The following RORA variants were observed in gnomAD, a reference collection of about 807,000 sequenced individuals.
RORA encodes RAR related orphan receptor A.
In RORA, 7 loss-of-function variants were observed where a neutral mutation model predicts 69.5. That is an observed-to-expected ratio of 0.10 (90% CI 0.06 to 0.19). The LOEUF is 0.19. Ranked by LOEUF, RORA falls within the 10% of genes least tolerant of loss-of-function variation. RORA has a pLI of 1.00. For synonymous variants in RORA, 261 were observed against 240.8 expected (o/e 1.08, Z -0.78); for missense variants, 457 against 663.0 (o/e 0.69, Z 3.41).
chr15:60,616,271 T>C (rs531180594), intron 2 of RORA, among the ~76,000 whole-genome samples: 77 of 152,014 alleles, frequency 5.1e-4, no homozygotes, highest in African/African-American at 1.7e-3. Context: ...CCCATAAGGG[T>C]GTGTGTGCTC....
At chr15:60,935,977 A>T (rs148646819) in intron 1 of RORA, among the ~76,000 whole-genome samples, 1 of 152,346 alleles carries the variant, frequency 6.6e-6, no homozygotes, top group East Asian at 1.9e-4. Flanking sequence ...GCAAACTGAG[A>T]CTGACATTGT....
At chr15:60,597,551 C>CAT (rs1203238304) in intron 2 of RORA, among the ~76,000 whole-genome samples, 1,148 of 24,876 alleles carry the variant, frequency 0.046, 73 homozygotes, top group African/African-American at 0.091. Context: ...ACACACACAA[C>CAT]ATATATATAT....
At chr15:61,225,721 C>A (rs1354563898) in intron 1 of RORA, among the ~76,000 whole-genome samples, 1 of 152,130 alleles carries the variant, frequency 6.6e-6, no homozygotes, top group African/African-American at 2.4e-5. Context: ...AAGCTTCTGG[C>A]AAGCACATAT....
chr15:60,829,018 G>A (rs12440095), intron 1 of RORA, among the ~76,000 whole-genome samples: 20,130 of 152,162 alleles, frequency 0.13, 1,619 homozygotes, highest in East Asian at 0.31. Context: ...TTCAGAAGAA[G>A]TTTTGCACAC....
chr15:60,616,262 C>T (rs1419032321), intron 2 of RORA, among the ~76,000 whole-genome samples: 1 of 151,950 alleles, frequency 6.6e-6, no homozygotes, highest in Non-Finnish European at 1.5e-5. Flanking sequence ...TGATCAAATC[C>T]CATAAGGGTG....
intron 1 of RORA, among the ~76,000 whole-genome samples, chr15:61,018,106 T>C (rs2140408698): frequency 6.6e-6 from 1 of 152,358 alleles, no homozygotes; most frequent in Non-Finnish European, 1.5e-5. Context: ...AATGCTCCTA[T>C]GTGATACTTT....
At chr15:60,568,229 C>A (rs1312143166) in intron 2 of RORA, among the ~76,000 whole-genome samples, 1 of 152,164 alleles carries the variant, frequency 6.6e-6, no homozygotes, top group Non-Finnish European at 1.5e-5. Context: ...GCTGTTACCT[C>A]TGCCCCTGTG....
chr15:61,059,873 A>G (rs2078147962), intron 1 of RORA, among the ~76,000 whole-genome samples: 1 of 151,636 alleles, frequency 6.6e-6, no homozygotes, highest in African/African-American at 2.4e-5. Context: ...AAAGGATGGA[A>G]AAAATGTAAA....
At chr15:61,132,166 G>C (rs1205133582) in intron 1 of RORA, among the ~76,000 whole-genome samples, 1 of 152,084 alleles carries the variant, frequency 6.6e-6, no homozygotes, top group Non-Finnish European at 1.5e-5. Flanking sequence ...TGTAATCTAG[G>C]GGTTTACAGA....
chr15:60,798,132 GA>G (rs200046466), intron 1 of RORA, among the ~76,000 whole-genome samples: 36 of 146,314 alleles, frequency 2.5e-4, no homozygotes, highest in Admixed American at 4.1e-4. Flanking sequence ...TTATACATGA[GA>G]AAAAAAAACT....
chr15:61,136,172 T>C (rs1389688233), intron 1 of RORA, among the ~76,000 whole-genome samples: 1 of 152,156 alleles, frequency 6.6e-6, no homozygotes, highest in African/African-American at 2.4e-5. Context: ...GAAGCTGGCC[T>C]TCCCTCCCCC....
chr15:61,175,790 T>C (rs1473444147), intron 1 of RORA, among the ~76,000 whole-genome samples: 1 of 152,174 alleles, frequency 6.6e-6, no homozygotes, highest in Non-Finnish European at 1.5e-5. Context: ...ACAGAGCTAA[T>C]GAGCCACAAA....
chr15:61,168,120 T>C (rs1035362541), intron 1 of RORA, among the ~76,000 whole-genome samples: 4 of 150,308 alleles, frequency 2.7e-5, no homozygotes, highest in African/African-American at 4.9e-5. Context: ...ATATAATATA[T>C]ATTAAAAACA....
intron 1 of RORA, chr15:60,849,041 C>T (rs1008485603): frequency 6.6e-6 from 1 of 152,208 alleles, no homozygotes; most frequent in African/African-American, 2.4e-5. Context: ...CAATATACCT[C>T]CCAACCTGAG....
intron 1 of RORA, among the ~76,000 whole-genome samples, chr15:60,879,424 G>A (rs2073654889): frequency 6.6e-6 from 1 of 152,106 alleles, no homozygotes; most frequent in Admixed American, 6.5e-5. Flanking sequence ...CTTTAACAGA[G>A]CCAGGCACAC....
intron 2 of RORA, among the ~76,000 whole-genome samples, chr15:60,552,384 A>C (rs1458774056): frequency 1.3e-5 from 2 of 152,200 alleles, no homozygotes; most frequent in African/African-American, 4.8e-5. Context: ...GTCACCTGCT[A>C]TGAATACCTG....
chr15:61,161,084 T>C (rs1190336759), intron 1 of RORA, among the ~76,000 whole-genome samples: 1 of 152,120 alleles, frequency 6.6e-6, no homozygotes, highest in Non-Finnish European at 1.5e-5. Flanking sequence ...GGTCATCTTC[T>C]TACTCAGAAG....
At chr15:61,040,269 T>C (rs1459138731) in intron 1 of RORA, among the ~76,000 whole-genome samples, 1 of 150,398 alleles carries the variant, frequency 6.6e-6, no homozygotes, top group Non-Finnish European at 1.5e-5. Flanking sequence ...CCCATCAGAA[T>C]TTGTCTAAGG....
chr15:60,971,780 C>T (rs992711615), intron 1 of RORA, among the ~76,000 whole-genome samples: 5 of 152,188 alleles, frequency 3.3e-5, no homozygotes, highest in African/African-American at 1.2e-4. Flanking sequence ...TCCTTTTGGC[C>T]AGTAAGAATG....
Sources: gnomAD v4.1 joint callset for allele counts (sites outside exome capture counted in the v4.1 genomes callset) on GRCh38, gnomAD v4.1.1 for gene constraint, MANE v1.5 for transcripts, NCBI Gene and HGNC (gene_info 2026-07-23, HGNC 2026-07-21) for gene names.